The following KLRG1 variants were observed in gnomAD, a reference collection of about 807,000 sequenced individuals.
KLRG1 encodes killer cell lectin like receptor G1.
A neutral mutation model predicts 21.8 loss-of-function variants in KLRG1; 16 were observed. That is an observed-to-expected ratio of 0.73 (90% CI 0.50 to 1.11). KLRG1 has a LOEUF of 1.11. Among genes scored for constraint, KLRG1 ranks in the 50% most tolerant of loss-of-function variants. The pLI, the probability that KLRG1 is intolerant of heterozygous loss-of-function variation, is 0.00. For missense variants in KLRG1, 173 were observed against 218.3 expected (o/e 0.79, Z 1.31); for synonymous variants, 69 against 75.9 (o/e 0.91, Z 0.47).
chr12:9,177,641 T>C, the KLRG1 span, among the ~76,000 whole-genome samples: 1 of 152,218 alleles, frequency 6.6e-6, no homozygotes, highest in East Asian at 1.9e-4. Flanking sequence ...TAAATGAACA[T>C]GTATTATTTA....
intron 1 of KLRG1, chr12:8,971,140 A>G (rs187894103): frequency 7.9e-5 from 12 of 152,230 alleles, no homozygotes; most frequent in Admixed American, 7.2e-4. Flanking sequence ...TACATTTTCT[A>G]CTTTTTGAAG....
chr12:8,986,060 TAGG>T (rs1294430277), upstream of KLRG1, among the ~76,000 whole-genome samples: 3 of 152,310 alleles, frequency 2.0e-5, no homozygotes, highest in Non-Finnish European at 4.4e-5. Context: ...CCATAGGAGT[TAGG>T]AGCCAGAAAC....
At position 9,010,210 on chromosome 12, in the gene KLRG1, T is replaced by C; in HGVS notation, c.*673T>C. On this transcript the variant is annotated 3_prime_UTR_variant, in exon 5 of 5. Transcript: ENST00000356986. ...CTAAAAAAAAAAAAAAATGCTAATG[T>C]GAGAATATAAATTGTGGGAAATGAG... 2 of 533,914 alleles carry C rather than the reference T, an allele frequency of 3.7e-6. No homozygotes were observed. The highest frequency in any genetic ancestry group is 6.6e-6 in the Non-Finnish European group (2 of 302,332). The allele number at this position is 533,914 out of a possible 1,614,324, so 33.1% of individuals were successfully genotyped here.
intron 3 of KLRG1, among the ~76,000 whole-genome samples, chr12:9,005,644 A>G (rs1472605216): frequency 6.6e-6 from 1 of 152,196 alleles, no homozygotes; most frequent in Non-Finnish European, 1.5e-5. Context: ...GATAGGCAGA[A>G]TAAGTTCTAA....
the KLRG1 span, chr12:9,156,502 G>C: frequency 6.5e-6 from 1 of 152,984 alleles, no homozygotes; most frequent in Non-Finnish European, 1.5e-5. Flanking sequence ...AGTGAGCATG[G>C]TGCAGCCAGG....
chr12:9,162,479 T>G, the KLRG1 span: 1 of 741,498 alleles, frequency 1.3e-6, no homozygotes, highest in East Asian at 2.5e-5. Context: ...TTTAGTATTA[T>G]GCTGACTTTC....
At chr12:9,202,352 G>A in the KLRG1 span, 94 of 1,613,966 alleles carry the variant, frequency 5.8e-5, no homozygotes, top group Non-Finnish European at 7.4e-5. Flanking sequence ...TTTCATCCAC[G>A]GAGACAACAC....
the KLRG1 span, chr12:9,181,089 T>C: frequency 1.2e-6 from 2 of 1,614,182 alleles, no homozygotes; most frequent in Non-Finnish European, 1.7e-6. Context: ...CAGGTGGGCA[T>C]GTGAGGCTGG....
At chr12:9,093,437 C>G in the KLRG1 span, 12 of 1,480,944 alleles carry the variant, frequency 8.1e-6, no homozygotes, top group Non-Finnish European at 1.0e-5. Context: ...TCTATTGTTG[C>G]ATATTGCATA....
Position 8,976,922 on chromosome 12 carries a change from A to G in KLRG1, c.-155-15284A>G, listed in dbSNP as rs868252548. ...CTACCACGCCTGGCTAATTTTTTGT[A>G]TTTTTTTTAGTAGAAACGGGGTTTC... On this transcript the variant is annotated intron_variant, in intron 1 of 4. Coordinates refer to the KLRG1 transcript ENST00000539240. 5.1e-4 allele frequency among the ~76,000 whole-genome samples: 76 copies of G among 150,224 alleles called. 1 individual carries two copies. The highest frequency in any genetic ancestry group is 1.8e-3 in the African/African-American group (73 of 40,910).
the KLRG1 span, among the ~76,000 whole-genome samples, chr12:9,194,494 T>C: frequency 7.4e-6 from 1 of 136,022 alleles, no homozygotes; most frequent in Admixed American, 8.4e-5. Flanking sequence ...AGACGGAGTC[T>C]CGCTCTGTCG....
chr12:8,998,108 C>A (rs1947190359), intron 3 of KLRG1, among the ~76,000 whole-genome samples: 1 of 152,078 alleles, frequency 6.6e-6, no homozygotes, highest in African/African-American at 2.4e-5. Context: ...GTGGGTGGAT[C>A]ACTTGAGGTC....
chr12:9,121,367 C>T, the KLRG1 span, among the ~76,000 whole-genome samples: 1,552 of 152,060 alleles, frequency 0.01, 27 homozygotes, highest in African/African-American at 0.035. This position sits in a 1 kb window ranked among gnomAD's most constrained non-coding sequence, Gnocchi z 4.4. Flanking sequence ...ATGGTGAAAC[C>T]CCGTCTCTAC....
chr12:9,091,384 G>C, the KLRG1 span: 10 of 1,614,074 alleles, frequency 6.2e-6, no homozygotes, highest in African/African-American at 5.3e-5. Context: ...TCCACTCGGT[G>C]ATGGTGTCAG....
the KLRG1 span, chr12:9,079,666 A>G: frequency 2.5e-6 from 4 of 1,613,542 alleles, no homozygotes; most frequent in Non-Finnish European, 3.4e-6. Flanking sequence ...ATGGCCTTGG[A>G]CTTGATCTCT....
the KLRG1 span, chr12:9,115,196 A>G: frequency 6.5e-6 from 1 of 153,148 alleles, no homozygotes; most frequent in Non-Finnish European, 1.5e-5. Flanking sequence ...CTCATCACTC[A>G]TCAGCTGGTA....
chr12:9,202,549 G>T, the KLRG1 span: 1 of 1,614,106 alleles, frequency 6.2e-7, no homozygotes, highest in Non-Finnish European at 8.5e-7. Flanking sequence ...TTATACATGG[G>T]TTTGTCTGTC....
chr12:9,196,585 C>G, the KLRG1 span: 1 of 1,608,522 alleles, frequency 6.2e-7, no homozygotes, highest in Non-Finnish European at 8.5e-7. Flanking sequence ...CCCCTCTTCT[C>G]TGATCCTGGC....
chr12:9,101,062 G>A, the KLRG1 span: 6 of 1,302,040 alleles, frequency 4.6e-6, no homozygotes, highest in Admixed American at 1.2e-4. Flanking sequence ...GGAAAAAAAG[G>A]GAAAGTATTC....
Sources: gnomAD v4.1 joint callset for allele counts (sites outside exome capture counted in the v4.1 genomes callset) on GRCh38, gnomAD v4.1.1 for gene constraint, Gnocchi (gnomAD v3.1) non-coding constraint, MANE v1.5 for transcripts, NCBI Gene and HGNC (gene_info 2026-07-23, HGNC 2026-07-21) for gene names.